Variants in ELL2 observed in about 807,000 individuals in gnomAD.
The protein encoded by ELL2 is RNA polymerase II elongation factor ELL2.
Under a neutral mutation model 72.8 loss-of-function variants are expected in ELL2, and 21 were observed. That is an observed-to-expected ratio of 0.29 (90% CI 0.20 to 0.42). The LOEUF is 0.42. Among genes scored for constraint, ELL2 ranks in the 10% least tolerant of loss-of-function variants. The pLI is 1.00. For missense variants in ELL2, 568 were observed against 772.8 expected (o/e 0.73, Z 3.14); for synonymous variants, 266 against 283.2 (o/e 0.94, Z 0.61).
intron 8 of ELL2, among the ~76,000 whole-genome samples, chr5:95,896,611 T>A (rs1366852975): frequency 6.6e-6 from 1 of 152,192 alleles, no homozygotes; most frequent in East Asian, 1.9e-4. Flanking sequence ...AAGAACATGC[T>A]TTTACGATAG....
At chr5:95,961,359 G>T (rs1242596211) in intron 1 of ELL2, among the ~76,000 whole-genome samples, 1 of 151,826 alleles carries the variant, frequency 6.6e-6, no homozygotes, top group Non-Finnish European at 1.5e-5. Flanking sequence ...CGGCCCCGCC[G>T]CCAGGGGCCG....
intron 1 of ELL2, among the ~76,000 whole-genome samples, chr5:95,945,881 T>C (rs1444193340): frequency 2.0e-5 from 3 of 152,168 alleles, no homozygotes; most frequent in Non-Finnish European, 2.9e-5. Context: ...ATCCTCAAAA[T>C]GTGTCTTCAT....
chr5:95,934,781 C>A (rs1195574363), intron 2 of ELL2, among the ~76,000 whole-genome samples: 1 of 152,124 alleles, frequency 6.6e-6, no homozygotes, highest in East Asian at 1.9e-4. Context: ...TCCTTAGAGT[C>A]TTGTCATATT....
chr5:95,940,823 C>A (rs536075265), intron 2 of ELL2, among the ~76,000 whole-genome samples: 1 of 152,102 alleles, frequency 6.6e-6, no homozygotes, highest in Admixed American at 6.5e-5. Flanking sequence ...TCATGGCTCT[C>A]GAGAAAAACA....
intron 5 of ELL2, among the ~76,000 whole-genome samples, chr5:95,905,241 AC>A (rs1465590937): frequency 6.6e-6 from 1 of 151,890 alleles, no homozygotes; most frequent in Non-Finnish European, 1.5e-5. Context: ...ATACGCGCAC[AC>A]ACACACACAC....
chr5:95,955,700 C>A (rs1751603294), intron 1 of ELL2, among the ~76,000 whole-genome samples: 1 of 152,148 alleles, frequency 6.6e-6, no homozygotes, highest in Non-Finnish European at 1.5e-5. Context: ...CTGTATGGAG[C>A]TGAGGTATGC....
chr5:95,949,741 A>G (rs1438663375), intron 1 of ELL2, among the ~76,000 whole-genome samples: 1 of 152,094 alleles, frequency 6.6e-6, no homozygotes, highest in Non-Finnish European at 1.5e-5. Flanking sequence ...ATAATTTTGG[A>G]ACTTTGCCCA....
chr5:95,910,266 A>G (rs1749533814), intron 4 of ELL2, among the ~76,000 whole-genome samples: 1 of 152,120 alleles, frequency 6.6e-6, no homozygotes, highest in South Asian at 2.1e-4. Context: ...AAAAAATAAT[A>G]AGGAGGGTGG....
Position 95,913,788 on chromosome 5 carries a change from G to C in ELL2, c.464C>G (p.Pro155Arg). Residue 155 changes from proline (P) to arginine (R), a missense_variant, in exon 4 of 12, where the codon CCC becomes CGC. Around this residue, in one of 2 missense-constraint regions of ELL2, gnomAD observed 511 missense variants for 728.4 expected, o/e 0.70. Transcript: ENST00000237853. ...ATACAAACCTACATATGGTCCACCG[G>C]GTTTGATAACTTTTGTGCTTCGGTT... ...SRNRSTKVIK[P>R]GGPYVGKRVQ... 6.2e-7 allele frequency: 1 copy of C among 1,610,496 alleles called. No homozygotes were observed. The highest frequency in any genetic ancestry group is 1.1e-5 in the South Asian group (1 of 90,678).
intron 2 of ELL2, among the ~76,000 whole-genome samples, chr5:95,941,920 AT>A (rs1750984328): frequency 6.6e-6 from 1 of 152,280 alleles, no homozygotes; most frequent in Non-Finnish European, 1.5e-5. Context: ...AAGAATACTT[AT>A]TCCAGTTAGG....
At chr5:95,930,704 G>A (rs776284966) in intron 2 of ELL2, among the ~76,000 whole-genome samples, 43 of 152,218 alleles carry the variant, frequency 2.8e-4, no homozygotes, top group Non-Finnish European at 6.0e-4. Context: ...AAGGAATGAT[G>A]AGAGACTGGA....
At chr5:95,906,950 AAATG>A (rs1322164627) in intron 4 of ELL2, among the ~76,000 whole-genome samples, 168 bp from the exon 5 acceptor site, 2 of 152,194 alleles carry the variant, frequency 1.3e-5, no homozygotes, top group Non-Finnish European at 2.9e-5. Flanking sequence ...CATTTTAAAT[AAATG>A]GTCTAAAATT....
intron 10 of ELL2, among the ~76,000 whole-genome samples, chr5:95,889,610 C>A (rs1028373672): frequency 1.3e-5 from 2 of 152,148 alleles, no homozygotes; most frequent in African/African-American, 4.8e-5. Flanking sequence ...TCTAAGAATT[C>A]CATTACTTGT....
Position 95,927,796 on chromosome 5 carries a change from C to CACACACATATGTGTGTATATAGACAT in ELL2, c.196-8252_196-8251insATGTCTATATACACACATATGTGTGT, listed in dbSNP as rs1561505485. 2.6e-4 allele frequency among the ~76,000 whole-genome samples: 12 copies of CACACACATATGTGTGTATATAGACAT among 46,600 alleles called. 4 individuals are homozygous for CACACACATATGTGTGTATATAGACAT. Among genetic ancestry groups the CACACACATATGTGTGTATATAGACAT allele is most frequent in the African/African-American group, 3.9e-4 (2 of 5,078 alleles). The allele number at this position is 46,600 out of a possible 152,430, so 30.6% of individuals were successfully genotyped here. A position where few individuals can be genotyped will look rare whatever the true frequency, so the allele number is the denominator to read the frequency against. On this transcript the variant is annotated intron_variant, in intron 2 of 11. Transcript: ENST00000237853. ...ACACATATGTGTGTATATAGACATA[C>CACACACATATGTGTGTATATAGACAT]ACACACACATATGTGTGTATATAGA...
At chr5:95,954,620 T>C (rs1181368937) in intron 1 of ELL2, among the ~76,000 whole-genome samples, 1 of 147,470 alleles carries the variant, frequency 6.8e-6, no homozygotes, top group Non-Finnish European at 1.5e-5. Context: ...TTTTTGTATT[T>C]TAGTAGAGAC....
In ELL2 at chr5:95,900,743, G is replaced by T; in HGVS notation, c.904C>A (p.Arg302Ser). Reference protein sequence around the residue: ...NPSQNAAGTSRSESPVCSSRD... With the variant: ...NPSQNAAGTSSSESPVCSSRD... ...CTAGAACATACAGGAGATTCTGAAC[G>T]GCTGGTGCCTGCAGCATTCTGAGAC... is the stretch of plus-strand genomic sequence containing the variant. Residue 302 changes from arginine (R) to serine (S), a missense_variant, in exon 7 of 12, where the codon CGT becomes AGT. This residue lies in a region of ELL2 where 511 missense variants were observed against 728.4 expected (regional missense o/e 0.70). Transcript: ENST00000237853. The T allele has an allele frequency of 6.2e-7, 1 of 1,609,912 alleles. No homozygotes were observed. Among genetic ancestry groups the T allele is most frequent in the Admixed American group, 1.7e-5 (1 of 59,356 alleles).
intron 2 of ELL2, among the ~76,000 whole-genome samples, chr5:95,928,295 C>T (rs180772809): frequency 6.6e-6 from 1 of 152,270 alleles, no homozygotes; most frequent in East Asian, 1.9e-4. Context: ...CTTCAAAATG[C>T]AGTCATGGCT....
chr5:95,898,438 C>A lies in ELL2; in HGVS notation c.1327G>T (p.Val443Phe). The A allele has an allele frequency of 6.2e-7, 1 of 1,613,552 alleles. No individual in the cohort carries two copies. The highest frequency in any genetic ancestry group is 8.5e-7 in the Non-Finnish European group (1 of 1,179,886). ...TSLETLPPGS[V>F]LLKCPKPMEE... ...ATAGGCTTTGGACACTTTAGTAGAA[C>A]GGAACCAGGGGGTAAGGTTTCCAGA... Residue 443 changes from valine to phenylalanine, a missense_variant, in exon 8 of 12, where the codon GTT becomes TTT. Physicochemically the swap from Val to Phe is conservative, Grantham distance 50 (BLOSUM62 -1). This residue lies in a region of ELL2 where 511 missense variants were observed against 728.4 expected (regional missense o/e 0.70). Transcript: ENST00000237853.
At chr5:95,895,880 C>A (rs1748856111) in intron 8 of ELL2, among the ~76,000 whole-genome samples, 189 bp from the exon 9 acceptor site, 1 of 152,182 alleles carries the variant, frequency 6.6e-6, no homozygotes, top group Non-Finnish European at 1.5e-5. Flanking sequence ...CCAGCGCCAG[C>A]AGAACCGACG....
Sources: allele counts gnomAD v4.1 joint callset (sites outside exome capture counted in the v4.1 genomes callset), GRCh38; gene constraint gnomAD v4.1.1; regional missense constraint gnomAD v4.1.1; transcripts MANE v1.5; gene names NCBI Gene and HGNC (gene_info 2026-07-23, HGNC 2026-07-21).